EEF2: variants seen among roughly 807,000 people sequenced by gnomAD.
The protein encoded by EEF2 is elongation factor 2.
Under a neutral mutation model 85.3 loss-of-function variants are expected in EEF2, and 21 were observed. The observed-to-expected ratio is 0.25, with a 90% CI of 0.17 to 0.35. The LOEUF (loss-of-function observed/expected upper bound fraction) is 0.35. Among genes scored for constraint, EEF2 ranks in the 10% least tolerant of loss-of-function variants. EEF2 has a pLI of 1.00. For synonymous variants in EEF2, 723 were observed against 508.8 expected, an observed-to-expected ratio of 1.42 and a Z score of -5.67; for missense variants, 825 against 1,225.3, an observed-to-expected ratio of 0.67 and a Z score of 4.88.
intron 6 of EEF2, 93 bp downstream of exon 6, chr19:3,981,854 G>C (rs537111068): frequency 1.7e-6 from 2 of 1,167,284 alleles, no homozygotes; most frequent in Non-Finnish European, 2.5e-6. Context: ...ACAAGGAGAC[G>C]GGCCCAGTCA....
chr19:3,982,074 A>C, intron 5 of EEF2, 22 bp from the exon 6 acceptor site: 1 of 1,613,518 alleles, frequency 6.2e-7, no homozygotes, highest in Non-Finnish European at 8.5e-7. Flanking sequence ...AGGCCAAGCC[A>C]AATCAAGTTA....
chr19:3,983,365 A>G, intron 2 of EEF2, 74 bp from the exon 3 acceptor site: 1 of 1,493,630 alleles, frequency 6.7e-7, no homozygotes, highest in Non-Finnish European at 9.1e-7. Context: ...TGCTGTCAGA[A>G]GCCAGGCTGC....
At chr19:3,980,761 TG>T (rs748084968) in intron 8 of EEF2, 52 bp from the exon 9 acceptor site, 219 of 1,599,904 alleles carry the variant, frequency 1.4e-4, no homozygotes, top group Non-Finnish European at 1.8e-4. Context: ...CTCAGCCTTC[TG>T]GAACCCTGCA....
intron 1 of EEF2, 120 bp from the exon 2 acceptor site, chr19:3,984,470 C>A (rs2039794493): frequency 1.6e-5 from 17 of 1,076,390 alleles, no homozygotes; most frequent in Non-Finnish European, 2.1e-5. Flanking sequence ...TGCTGGGGTG[C>A]CCCAAGCCCA....
chr19:3,982,970 C>T lies in EEF2; in HGVS notation c.449G>A (p.Arg150His). The T allele has an allele frequency of 1.2e-6, 2 of 1,612,492 alleles. No homozygotes were observed. Among genetic ancestry groups the T allele is most frequent in the South Asian group, 2.2e-5 (2 of 91,028 alleles). ...ETVLRQAIAE[R>H]IKPVLMMNKM... ...GTTCATCATCAGCACAGGCTTGATG[C>T]GCTCGGCAATGGCCTGCCGCAGCAC... is the stretch of plus-strand genomic sequence containing the variant. Residue 150 changes from arginine (R) to histidine (H), a missense_variant, in exon 4 of 15, where the codon CGC becomes CAC. Transcript: ENST00000309311.
intron 2 of EEF2, among the ~76,000 whole-genome samples, chr19:3,983,598 C>T (rs926638572): frequency 1.3e-5 from 2 of 152,112 alleles, no homozygotes; most frequent in Non-Finnish European, 2.9e-5. Context: ...CCCAGCAGGA[C>T]GGCAAAAGCC....
chr19:3,985,143 A>G (rs1247159980), intron 1 of EEF2: 4 of 416,524 alleles, frequency 9.6e-6, no homozygotes, highest in African/African-American at 2.1e-5. Context: ...CTAACAACCC[A>G]GCTCCAACCA....
In EEF2 at chr19:3,983,213, G is replaced by C. The variant is rs763161657; in HGVS notation, c.297C>G (p.Leu99=). Residue 99 remains leucine (L), a synonymous_variant, in exon 3 of 15, where the codon CTC becomes CTG. Transcript: ENST00000309311. ...GCCCGGGGGAGTCAATGAGGTTGATGAGGAAGCCGGCACCGTCCTTGCTCT... is the reference window on the plus strand; with the variant it reads ...GCCCGGGGGAGTCAATGAGGTTGATCAGGAAGCCGGCACCGTCCTTGCTCT... ...IKQSKDGAGF[L]INLIDSPGHV... is the part of the protein sequence containing the mutation. The C allele has an allele frequency of 6.2e-7, 1 of 1,614,022 alleles. No homozygotes were observed. The highest frequency in any genetic ancestry group is 8.5e-7 in the Non-Finnish European group (1 of 1,180,002).
In EEF2 at chr19:3,977,201, G is replaced by C. The variant is rs200198271; in HGVS notation, c.2383+14C>G. On this transcript the variant is annotated intron_variant, in intron 14 of 14. Transcript: ENST00000309311. The surrounding 1 kb of genome is among the most constrained non-coding windows in gnomAD (Gnocchi z 5.4). ...CCTGCCAGGCTCTGCAGGCCACACCGGGCAGGCACTCACCAAAGGACTCGT... is the reference window on the plus strand; with the variant it reads ...CCTGCCAGGCTCTGCAGGCCACACCCGGCAGGCACTCACCAAAGGACTCGT... 5.6e-6 allele frequency: 9 copies of C among 1,611,706 alleles called. No homozygotes were observed. Among genetic ancestry groups the C allele is most frequent in the Admixed American group, 5.0e-5 (3 of 59,886 alleles).
rs1456305040 is a variant in EEF2 at position 3,984,209 on chromosome 19, C to T, written c.145G>A (p.Ala49Thr). The change falls in exon 2 of 15, where the codon GCC becomes ACC. Residue 49 changes from alanine (A) to threonine (T), a missense_variant. By Grantham distance (58) the Ala-to-Thr change is moderately conservative (BLOSUM62 0). Coordinates refer to ENST00000309311, the MANE Select transcript of EEF2 (RefSeq NM_001961.4). ...GTGAAGCGTGTCTCCCCGGCCCGGGCCGAGGCGATGATGCCCGCCTTGCAC... is the reference window on the plus strand; with the variant it reads ...GTGAAGCGTGTCTCCCCGGCCCGGGTCGAGGCGATGATGCCCGCCTTGCAC... ...LVCKAGIIAS[A>T]RAGETRFTDT... The T allele has an allele frequency of 6.2e-7, 1 of 1,614,104 alleles. No individual in the cohort carries two copies. Among genetic ancestry groups the T allele is most frequent in the Non-Finnish European group, 8.5e-7 (1 of 1,180,040 alleles).
intron 11 of EEF2, among the ~76,000 whole-genome samples, chr19:3,978,553 C>G (rs912819100): frequency 6.6e-6 from 1 of 152,172 alleles, no homozygotes; most frequent in African/African-American, 2.4e-5. Flanking sequence ...CGCCTGTAAT[C>G]CCAGCACTTT....
chr19:3,984,394 A>G, intron 1 of EEF2, 44 bp from the exon 2 acceptor site: 2 of 1,596,648 alleles, frequency 1.3e-6, no homozygotes, highest in East Asian at 2.2e-5. Flanking sequence ...GATTTCCAGG[A>G]ACACAGCATG....
At position 3,984,210 on chromosome 19, in the gene EEF2, C is replaced by G. The variant is rs755808345; in HGVS notation, c.144G>C (p.Ser48=). The G allele has an allele frequency of 3.1e-6, 5 of 1,614,078 alleles. No individual in the cohort carries two copies. The highest frequency in any genetic ancestry group is 3.4e-6 in the Non-Finnish European group (4 of 1,180,024). Residue 48 remains serine, a synonymous_variant, in exon 2 of 15, where the codon TCG becomes TCC. Coordinates refer to ENST00000309311, the MANE Select transcript of EEF2 (RefSeq NM_001961.4). ...SLVCKAGIIA[S]ARAGETRFTD... ...TGAAGCGTGTCTCCCCGGCCCGGGC[C>G]GAGGCGATGATGCCCGCCTTGCACA... is the stretch of plus-strand genomic sequence containing the variant.
Position 3,984,140 on chromosome 19 carries a change from A to C in EEF2, c.214T>G (p.Ser72Ala). Residue 72 changes from serine to alanine, a missense_variant, in exon 2 of 15, where the codon TCA becomes GCA. Coordinates refer to ENST00000309311, the MANE Select transcript of EEF2 (RefSeq NM_001961.4). ...CAGAGGGCACAGGGAGCTCACGTTG[A>C]CTTGATGGTGATGCAACGCTCCTGC... ...DEQERCITIKSTAISLFYELS... is the reference protein window; with the variant it reads ...DEQERCITIKATAISLFYELS... The C allele has an allele frequency of 6.2e-7, 1 of 1,613,616 alleles. No homozygotes were observed. Among genetic ancestry groups the C allele is most frequent in the South Asian group, 1.1e-5 (1 of 91,074 alleles).
At position 3,983,171 on chromosome 19, in the gene EEF2, C is replaced by T. The variant is rs144457327; in HGVS notation, c.339G>A (p.Ser113=). 63 of 1,613,918 alleles carry T rather than the reference C, an allele frequency of 3.9e-5. No homozygotes were observed. Among genetic ancestry groups the T allele is most frequent in the Non-Finnish European group, 4.3e-5 (51 of 1,180,012 alleles). Reference sequence around the variant, plus strand: ...TGACTCGGAGGGCAGCAGTCACCTCCGAGGAGAAGTCGACATGCCCGGGGG... The same window carrying T: ...TGACTCGGAGGGCAGCAGTCACCTCTGAGGAGAAGTCGACATGCCCGGGGG... The part of the protein sequence containing the change: ...IDSPGHVDFS[S]EVTAALRVTD... The change falls in exon 3 of 15, where the codon TCG becomes TCA. Residue 113 remains serine, a synonymous_variant. Coordinates refer to ENST00000309311, the MANE Select transcript of EEF2 (RefSeq NM_001961.4).
Position 3,983,107 on chromosome 19 carries a change from T to A in EEF2, c.400+3A>T, listed in dbSNP as rs777831656. Reference sequence around the variant, plus strand: ...CCGTGCCTCAGGGGGACCCACTGCTTACCTGACACGCAGTCCACCACCACC... The same window carrying A: ...CCGTGCCTCAGGGGGACCCACTGCTAACCTGACACGCAGTCCACCACCACC... On this transcript the variant is annotated splice_donor_region_variant and intron_variant, in intron 3 of 14. Transcript: ENST00000309311. 1 of 1,613,442 alleles carries A rather than the reference T, an allele frequency of 6.2e-7. No homozygotes were observed. The highest frequency in any genetic ancestry group is 1.1e-5 in the South Asian group (1 of 91,056).
At chr19:3,982,600 G>C in intron 4 of EEF2, 176 bp from the exon 5 acceptor site, 1 of 1,063,096 alleles carries the variant, frequency 9.4e-7, no homozygotes, top group Non-Finnish European at 1.4e-6. Context: ...CACCACCCAG[G>C]GCAGCGTTCC....
At chr19:3,981,210 T>A in intron 7 of EEF2, 129 bp downstream of exon 7, 1 of 1,092,846 alleles carries the variant, frequency 9.2e-7, no homozygotes, top group Non-Finnish European at 1.3e-6. Context: ...GCACCCAGAG[T>A]CTAAAGCGAA....
chr19:3,980,156 C>T, intron 9 of EEF2, 90 bp from the exon 10 acceptor site: 1 of 1,520,400 alleles, frequency 6.6e-7, no homozygotes, highest in South Asian at 1.3e-5. Context: ...AGTTGGTGGC[C>T]CTCCTGCCAG....
Sources: gnomAD v4.1 joint callset for allele counts (sites outside exome capture counted in the v4.1 genomes callset) on GRCh38, gnomAD v4.1.1 for gene constraint, Gnocchi (gnomAD v3.1) non-coding constraint, MANE v1.5 for transcripts, NCBI Gene and HGNC (gene_info 2026-07-23, HGNC 2026-07-21) for gene names.